The following RALGPS2 variants were observed in gnomAD, a reference collection of about 807,000 sequenced individuals.
The protein encoded by RALGPS2 is ras-specific guanine nucleotide-releasing factor RalGPS2.
A neutral mutation model predicts 86.8 loss-of-function variants in RALGPS2; 43 were observed. The observed-to-expected ratio is 0.50, with a 90% CI of 0.39 to 0.64. RALGPS2 has a LOEUF of 0.64. RALGPS2 is among the 30% of genes least tolerant of loss of function. The pLI, the probability that RALGPS2 is intolerant of heterozygous loss-of-function variation, is 0.00. For missense variants in RALGPS2, 536 were observed against 694.6 expected, an observed-to-expected ratio of 0.77 and a Z score of 2.57; for synonymous variants, 243 against 231.3, an observed-to-expected ratio of 1.05 and a Z score of -0.46.
intron 1 of RALGPS2, among the ~76,000 whole-genome samples, chr1:178,774,133 G>A (rs1652956210): frequency 6.6e-6 from 1 of 152,048 alleles, no homozygotes; most frequent in African/African-American, 2.4e-5. Context: ...AAATTAGCTG[G>A]GTGTGGTGGC....
At position 178,725,261 on chromosome 1, in the gene RALGPS2, GGCA is replaced by G. The variant is rs745899109; in HGVS notation, c.-239_-237del. On this transcript the variant is annotated 5_prime_UTR_variant, in exon 1 of 20. Coordinates refer to ENST00000367635, the MANE Select transcript of RALGPS2 (RefSeq NM_152663.5). ...TCCAGCTCACTCTCCTCCCCCGAGCGGCAGCGGCGGCGGCGGCGGCGGCTGCTG... is the reference window on the plus strand; with the variant it reads ...TCCAGCTCACTCTCCTCCCCCGAGCGGCGGCGGCGGCGGCGGCGGCTGCTG... 0.016 allele frequency: 550 copies of G among 35,288 alleles called. 6 individuals are homozygous for G. Among genetic ancestry groups the G allele is most frequent in the African/African-American group, 0.047 (519 of 11,058 alleles). The allele number at this position is 35,288 out of a possible 1,614,324, so 2.2% of individuals were successfully genotyped here.
intron 8 of RALGPS2, among the ~76,000 whole-genome samples, chr1:178,876,980 A>C (rs1659033882): frequency 6.6e-6 from 1 of 152,164 alleles, no homozygotes; most frequent in South Asian, 2.1e-4. Flanking sequence ...ATAGCTATCA[A>C]CTCAAGGCAA....
At chr1:178,748,500 AT>A (rs1307716909) in intron 1 of RALGPS2, among the ~76,000 whole-genome samples, 1 of 152,198 alleles carries the variant, frequency 6.6e-6, no homozygotes, top group Non-Finnish European at 1.5e-5. Context: ...GGAATGAACT[AT>A]TTATTGATAG....
chr1:178,843,441 G>A (rs1656700342), intron 8 of RALGPS2, among the ~76,000 whole-genome samples: 1 of 145,284 alleles, frequency 6.9e-6, no homozygotes, highest in African/African-American at 2.5e-5. Context: ...CTCATAGGTG[G>A]GAACTGAACA....
At chr1:178,839,029 C>T (rs146610557) in intron 8 of RALGPS2, among the ~76,000 whole-genome samples, 24 of 152,274 alleles carry the variant, frequency 1.6e-4, no homozygotes, top group Non-Finnish European at 2.9e-4. Context: ...ACCAAACCTG[C>T]GTCTGATTGG....
At chr1:178,805,970 A>G (rs1486567221) in intron 4 of RALGPS2, among the ~76,000 whole-genome samples, 1 of 151,870 alleles carries the variant, frequency 6.6e-6, no homozygotes, top group African/African-American at 2.4e-5. Flanking sequence ...TCAGAAACAG[A>G]TGTCTGTTGG....
chr1:178,887,891 A>T (rs1659555526), intron 13 of RALGPS2, among the ~76,000 whole-genome samples: 1 of 152,164 alleles, frequency 6.6e-6, no homozygotes, highest in African/African-American at 2.4e-5. Flanking sequence ...TTTTTCAGTC[A>T]AAAATTTTCT....
intron 8 of RALGPS2, among the ~76,000 whole-genome samples, chr1:178,834,772 G>C (rs1656187566): frequency 6.6e-6 from 1 of 152,088 alleles, no homozygotes; most frequent in Non-Finnish European, 1.5e-5. Context: ...GTCATTGTTT[G>C]TTTTGTTTTG....
rs116544961 is a variant in RALGPS2 at position 178,888,563 on chromosome 1, A to C, written c.1193-1079A>C. 3.3e-3 allele frequency among the ~76,000 whole-genome samples: 495 copies of C among 152,294 alleles called. 5 individuals carry two copies. The highest frequency in any genetic ancestry group is 0.011 in the African/African-American group (445 of 41,574). On this transcript the variant is annotated intron_variant, in intron 13 of 19. Transcript: ENST00000367635. Reference sequence around the variant, plus strand: ...AAATAAGTTATCCTAATTATGCTTAAATTTTCAGTCTTTACCACATAGTGC... The same window carrying C: ...AAATAAGTTATCCTAATTATGCTTACATTTTCAGTCTTTACCACATAGTGC...
chr1:178,870,832 T>G (rs1658712052), intron 8 of RALGPS2: 1 of 152,232 alleles, frequency 6.6e-6, no homozygotes, highest in African/African-American at 2.4e-5. Context: ...CATCTGTGAC[T>G]TTAATGGCAG....
intron 1 of RALGPS2, among the ~76,000 whole-genome samples, chr1:178,738,742 T>A (rs1048624143): frequency 2.0e-5 from 3 of 152,196 alleles, no homozygotes; most frequent in African/African-American, 7.2e-5. Flanking sequence ...TTCAGCTTTT[T>A]TATTTGTAAT....
At chr1:178,734,134 G>A (rs1329045429) in intron 1 of RALGPS2, among the ~76,000 whole-genome samples, 6 of 152,270 alleles carry the variant, frequency 3.9e-5, no homozygotes, top group South Asian at 4.1e-4. Context: ...TTAGCTATCA[G>A]GAAAATGAAA....
chr1:178,892,635 A>G (rs12035914), intron 15 of RALGPS2, among the ~76,000 whole-genome samples: 17,528 of 152,146 alleles, frequency 0.12, 1,249 homozygotes, highest in Middle Eastern at 0.18. Context: ...TTCTTTATTC[A>G]TAAGTTGTAA....
intron 8 of RALGPS2, among the ~76,000 whole-genome samples, chr1:178,863,206 AAAAAGGG>A (rs1658153315): frequency 3.3e-5 from 5 of 152,192 alleles, no homozygotes; most frequent in Admixed American, 2.6e-4. Flanking sequence ...ACAAGAGACC[AAAAAGGG>A]GACATGAGTA....
chr1:178,852,686 C>A, intron 8 of RALGPS2: 1 of 1,611,110 alleles, frequency 6.2e-7, no homozygotes. Context: ...TACTTACCTG[C>A]ATACATATCT....
At chr1:178,799,033 A>C (rs1654336779) in intron 4 of RALGPS2, among the ~76,000 whole-genome samples, 1 of 152,096 alleles carries the variant, frequency 6.6e-6, no homozygotes. Flanking sequence ...CTGCTTGAAC[A>C]AGTTGCTGTT....
chr1:178,913,851 A>T (rs553429897), intron 19 of RALGPS2, among the ~76,000 whole-genome samples: 1 of 152,098 alleles, frequency 6.6e-6, no homozygotes, highest in Non-Finnish European at 1.5e-5. Flanking sequence ...CACCGGCTGC[A>T]CTGGGTGGAC....
chr1:178,743,766 G>C (rs534083726), intron 1 of RALGPS2, among the ~76,000 whole-genome samples: 1 of 152,176 alleles, frequency 6.6e-6, no homozygotes, highest in South Asian at 2.1e-4. Context: ...CGAATTTTTT[G>C]ACAGACACAT....
chr1:178,799,566 T>C (rs1190860853), intron 4 of RALGPS2, among the ~76,000 whole-genome samples: 7 of 152,046 alleles, frequency 4.6e-5, no homozygotes, highest in Non-Finnish European at 8.8e-5. Context: ...CTGCCCGTCT[T>C]TGGATGTAAA....
Sources: gnomAD v4.1 joint callset for allele counts (sites outside exome capture counted in the v4.1 genomes callset) on GRCh38, gnomAD v4.1.1 for gene constraint, MANE v1.5 for transcripts, NCBI Gene and HGNC (gene_info 2026-07-23, HGNC 2026-07-21) for gene names.